The following NR1H3 variants were observed in gnomAD, a reference collection of about 807,000 sequenced individuals.
NR1H3 encodes oxysterols receptor LXR-alpha.
A neutral mutation model predicts 48.1 loss-of-function variants in NR1H3; 19 were observed. That is an observed-to-expected ratio of 0.40 (90% CI 0.28 to 0.58). NR1H3 has a LOEUF of 0.58. Ranked by LOEUF, NR1H3 falls within the 20% of genes least tolerant of loss-of-function variation. NR1H3 has a pLI of 0.50. For synonymous variants in NR1H3, 232 were observed against 227.3 expected, an observed-to-expected ratio of 1.02 and a Z score of -0.19; for missense variants, 486 against 595.9, an observed-to-expected ratio of 0.82 and a Z score of 1.92.
chr11:47,266,703 G>A (rs958804392), intron 7 of NR1H3, among the ~76,000 whole-genome samples: 16 of 148,794 alleles, frequency 1.1e-4, no homozygotes, highest in African/African-American at 3.2e-4. Flanking sequence ...GTGCAGTGGC[G>A]TGATCTCGGC....
chr11:47,257,972 A>G, upstream of NR1H3: 1 of 985,478 alleles, frequency 1.0e-6, no homozygotes, highest in Non-Finnish European at 1.2e-6. Flanking sequence ...CTTTCCCCAA[A>G]TTGCTACTTC....
At chr11:47,263,618 T>C (rs559738852) in intron 7 of NR1H3, among the ~76,000 whole-genome samples, 1 of 150,440 alleles carries the variant, frequency 6.6e-6, no homozygotes, top group East Asian at 1.9e-4. Flanking sequence ...TTTTTTTTTT[T>C]TTTGAGATGG....
At chr11:47,258,154 C>G in intron 1 of NR1H3, 25 bp downstream of exon 1, 5 of 985,222 alleles carry the variant, frequency 5.1e-6, no homozygotes, top group Non-Finnish European at 6.0e-6. Flanking sequence ...TAGCAGTGGC[C>G]TGGGGCTCTG....
chr11:47,260,694 A>C lies in NR1H3; in HGVS notation c.499+19A>C, dbSNP rs753342549. On this transcript the variant is annotated intron_variant, in intron 4 of 9. Transcript: ENST00000441012. ...GAGGAGTGTGAGTTTCTGGGGCTGGAGTGGGGAAGAGGCTGAGGGGAAAGA... is the reference window on the plus strand; with the variant it reads ...GAGGAGTGTGAGTTTCTGGGGCTGGCGTGGGGAAGAGGCTGAGGGGAAAGA... 2 of 1,577,472 alleles carry C rather than the reference A, an allele frequency of 1.3e-6. No homozygotes were observed. Among genetic ancestry groups the C allele is most frequent in the South Asian group, 2.3e-5 (2 of 88,466 alleles).
At chr11:47,253,869 G>T (rs1011416094), upstream of NR1H3, among the ~76,000 whole-genome samples, 28 of 152,288 alleles carry the variant, frequency 1.8e-4, no homozygotes, top group Non-Finnish European at 1.2e-4. Flanking sequence ...ACTGTGGGCT[G>T]GTGGGACTGT....
At chr11:47,248,402 A>C (rs1954301229), upstream of NR1H3, 4 of 1,521,598 alleles carry the variant, frequency 2.6e-6, no homozygotes, top group African/African-American at 1.4e-5. Flanking sequence ...GGTGGGGACA[A>C]CTGGGGAAAA....
rs1033220269 is a variant in NR1H3 at position 47,258,000 on chromosome 11, TG to T, written c.-166del. The T allele has an allele frequency of 6.1e-6, 6 of 985,802 alleles. No individual in the cohort carries two copies. The African/African-American group carries it at 8.7e-5, about 14-fold the overall frequency. 61.1% of individuals were successfully genotyped at this position (985,802 alleles called of 1,614,324 possible). On this transcript the variant is annotated 5_prime_UTR_variant, in exon 1 of 10. Coordinates refer to ENST00000441012, the MANE Select transcript of NR1H3 (RefSeq NM_005693.4). ...GCTACTTCTCTGGGGCTCCAGGTCC[TG>T]CTTGTGCTCAGCTCCAGCTCACTGG...
At chr11:47,252,914 T>A (rs893440411) in intron 1 of NR1H3, among the ~76,000 whole-genome samples, 2 of 151,694 alleles carry the variant, frequency 1.3e-5, no homozygotes, top group Admixed American at 1.3e-4. Context: ...GATTTTTGTT[T>A]GTTTGAGCTT....
upstream of NR1H3, chr11:47,257,608 G>C (rs1170856791): frequency 1.0e-6 from 1 of 977,448 alleles, no homozygotes; most frequent in African/African-American, 1.8e-5. Flanking sequence ...CGCAATTCCG[G>C]GCCGTGCTGG....
At chr11:47,255,541 TTTTCTTTCTTTCTTTC>T (rs1173009490), upstream of NR1H3, among the ~76,000 whole-genome samples, 12 of 71,672 alleles carry the variant, frequency 1.7e-4, no homozygotes, top group Admixed American at 6.0e-4. Flanking sequence ...CTTTCTTTCT[TTTTCTTTCTTTCTTTC>T]TTTCTTTCTT....
At chr11:47,251,065 A>T (rs1954615826) in intron 1 of NR1H3, among the ~76,000 whole-genome samples, 1 of 152,264 alleles carries the variant, frequency 6.6e-6, no homozygotes, top group Middle Eastern at 3.4e-3. Context: ...AGGCTGAGGC[A>T]GGAGAATGTC....
rs1955699049 is a variant in NR1H3 at position 47,260,330 on chromosome 11, G to A, written c.233-79G>A. On this transcript the variant is annotated intron_variant, in intron 3 of 9. Transcript: ENST00000441012. The stretch of plus-strand genomic sequence containing the variant: ...ATGAAGGGAATGAAGGTCACTGAGT[G>A]CCCAGGGCAGTGGCTGAGTCAGGGA... 6 of 1,527,786 alleles carry A rather than the reference G, an allele frequency of 3.9e-6. No homozygotes were observed. In the East Asian group the frequency reaches 9.0e-5, roughly 23 times the overall value. The allele number at this position is 1,527,786 out of a possible 1,614,324, so 94.6% of individuals were successfully genotyped here.
At chr11:47,258,187 G>C (rs1287837191) in intron 1 of NR1H3, 58 bp downstream of exon 1, 1 of 985,380 alleles carries the variant, frequency 1.0e-6, no homozygotes, top group African/African-American at 1.7e-5. Flanking sequence ...GGGTGGGGTC[G>C]GGGAATGTCC....
At chr11:47,249,816 G>C (rs552111574) in intron 1 of NR1H3, among the ~76,000 whole-genome samples, 2 of 152,264 alleles carry the variant, frequency 1.3e-5, no homozygotes, top group South Asian at 4.1e-4. Context: ...GGCTTGGCCT[G>C]GGCGCCGTGG....
At chr11:47,255,545 CTTTCTT>C (rs772614568), upstream of NR1H3, among the ~76,000 whole-genome samples, 7,298 of 99,204 alleles carry the variant, frequency 0.074, 400 homozygotes, top group East Asian at 0.18. Context: ...CTTTCTTTTT[CTTTCTT>C]TCTTTCTTTC....
rs1440115592 is a variant in NR1H3, at chr11:47,268,507, T to C, written c.1198-43T>C. On this transcript the variant is annotated intron_variant, in intron 9 of 9. Transcript: ENST00000441012. ...CTCCCCTACTCTTGCCCCGCTTCCC[T>C]GGGGACAGGCAAAAGCTGTGTTTGT... 9 of 1,613,228 alleles carry C rather than the reference T, an allele frequency of 5.6e-6. No individual in the cohort carries two copies. In the African/African-American group the frequency reaches 9.3e-5, roughly 17 times the overall value.
In NR1H3 at chr11:47,262,015, G is replaced by A; in HGVS notation, c.985G>A (p.Ala329Thr). 6.2e-7 allele frequency: 1 copy of A among 1,610,042 alleles called. No homozygotes were observed. The highest frequency in any genetic ancestry group is 8.5e-7 in the Non-Finnish European group (1 of 1,176,370). ...TTATAACCGGGAAGACTTTGCCAAA[G>A]CAGGTGAGAACTGAGATCACACAGG... ...FSYNREDFAK[A>T]GLQVEFINPI... The change falls in exon 7 of 10, where the codon GCA (alanine) becomes ACA (threonine). Residue 329 changes from alanine (A) to threonine (T), a missense_variant. Ala to Thr is a moderately conservative substitution (Grantham distance 58, BLOSUM62 0). Transcript: ENST00000441012.
Position 47,261,449 on chromosome 11 carries a change from G to A in NR1H3, c.708G>A (p.Thr236=), listed in dbSNP as rs1955853565. Residue 236 remains threonine, a splice_region_variant and synonymous_variant, in exon 5 of 10, where the codon ACG becomes ACA. Coordinates refer to ENST00000441012, the MANE Select transcript of NR1H3 (RefSeq NM_005693.4). ...CCTTTTCTGACCGGCTTCGAGTCACGGTACTTGACACACCTGGGGAGAGGC... is the reference window on the plus strand; with the variant it reads ...CCTTTTCTGACCGGCTTCGAGTCACAGTACTTGACACACCTGGGGAGAGGC... ...RRSFSDRLRV[T]PWPMAPDPHS... The A allele has an allele frequency of 1.9e-6, 3 of 1,613,742 alleles. No individual in the cohort carries two copies. Among genetic ancestry groups the A allele is most frequent in the Non-Finnish European group, 1.7e-6 (2 of 1,179,730 alleles).
At chr11:47,248,410 A>T, upstream of NR1H3, 2 of 1,530,526 alleles carry the variant, frequency 1.3e-6, no homozygotes. Flanking sequence ...CAACTGGGGA[A>T]AAAAGATAAC....
Sources: gnomAD v4.1 joint callset for allele counts (sites outside exome capture counted in the v4.1 genomes callset) on GRCh38, gnomAD v4.1.1 for gene constraint, MANE v1.5 for transcripts, NCBI Gene and HGNC (gene_info 2026-07-23, HGNC 2026-07-21) for gene names.